PRMT9: variants seen among roughly 807,000 people sequenced by gnomAD.
PRMT9 encodes the protein protein arginine N-methyltransferase 9.
Under a neutral mutation model 83.2 loss-of-function variants are expected in PRMT9, and 59 were observed. The ratio of observed to expected loss-of-function variants is 0.71; its 90% confidence interval spans 0.57 to 0.88. The LOEUF is 0.88. PRMT9 is among the 40% of genes least tolerant of loss of function. The pLI, the probability that PRMT9 is intolerant of heterozygous loss-of-function variation, is 0.00. For missense variants in PRMT9, 947 were observed against 1,021.9 expected (o/e 0.93, Z 1.00); for synonymous variants, 333 against 353.2 (o/e 0.94, Z 0.64).
intron 8 of PRMT9, among the ~76,000 whole-genome samples, chr4:147,656,958 T>C (rs928404686): frequency 1.3e-5 from 2 of 151,584 alleles, no homozygotes; most frequent in Admixed American, 6.6e-5. Flanking sequence ...ATAATTCAAC[T>C]ACTTTAAACT....
In PRMT9 at chr4:147,638,147, C is replaced by G. The variant is rs1477285834; in HGVS notation, c.*385G>C. 1 of 252,594 alleles carries G rather than the reference C, an allele frequency of 4.0e-6. No individual in the cohort carries two copies. Among genetic ancestry groups the G allele is most frequent in the East Asian group, 1.1e-4 (1 of 9,270 alleles). The allele number at this position is 252,594 out of a possible 1,614,324, so 15.6% of individuals were successfully genotyped here. A position where few individuals can be genotyped will look rare whatever the true frequency, so the allele number is the denominator to read the frequency against. On this transcript the variant is annotated 3_prime_UTR_variant, in exon 12 of 12. Transcript: ENST00000322396. Reference sequence around the variant, plus strand: ...ACAGGTAACCATAACCCTCAGTCTTCAGTGGAAGCCTTTCAGTGTTTCCCA... The same window carrying G: ...ACAGGTAACCATAACCCTCAGTCTTGAGTGGAAGCCTTTCAGTGTTTCCCA...
Position 147,672,975 on chromosome 4 carries a change from T to C in PRMT9, c.727A>G (p.Lys243Glu), listed in dbSNP as rs149710769. 23 of 1,613,702 alleles carry C rather than the reference T, an allele frequency of 1.4e-5. No individual in the cohort carries two copies. Among genetic ancestry groups the C allele is most frequent in the Non-Finnish European group, 1.9e-5 (22 of 1,179,774 alleles). Residue 243 changes from lysine to glutamate, a missense_variant, in exon 4 of 12, where the codon AAA (lysine) becomes GAA (glutamate). Lys to Glu is a moderately conservative substitution (Grantham distance 56, BLOSUM62 1). Coordinates refer to ENST00000322396, the MANE Select transcript of PRMT9 (RefSeq NM_138364.4). The part of the protein sequence containing the change: ...HTKSLDIEIP[K>E]HIPERVSLVV... ...TGATAATACCTTTCGGGAATATGTT[T>C]TGGAATCTCTATGTCAAGTGACTTC...
Position 147,657,822 on chromosome 4 carries a change from G to C in PRMT9, c.1300C>G (p.Gln434Glu). ...TSPSEETCWE[Q>E]AVYPVQDLAD... ...AGGTCCTGTACGGGGTAGACAGCCTGTTCCCAACATGTTTCCTCACTAGGA... is the reference window on the plus strand; with the variant it reads ...AGGTCCTGTACGGGGTAGACAGCCTCTTCCCAACATGTTTCCTCACTAGGA... Residue 434 changes from glutamine to glutamate, a missense_variant, in exon 8 of 12, where the codon CAG (glutamine) becomes GAG (glutamate). Physicochemically the swap from Gln to Glu is conservative, Grantham distance 29. Transcript: ENST00000322396. 6.2e-7 allele frequency: 1 copy of C among 1,611,778 alleles called. No individual in the cohort carries two copies. Among genetic ancestry groups the C allele is most frequent in the Non-Finnish European group, 8.5e-7 (1 of 1,179,656 alleles).
chr4:147,679,119 G>A (rs181870920), intron 2 of PRMT9, among the ~76,000 whole-genome samples: 3 of 152,354 alleles, frequency 2.0e-5, no homozygotes, highest in Admixed American at 1.3e-4. Flanking sequence ...GTTGGCACAA[G>A]GGTAAGCTTT....
At chr4:147,642,652 A>G (rs1379952333) in intron 10 of PRMT9, 135 bp downstream of exon 10, 2 of 781,168 alleles carry the variant, frequency 2.6e-6, no homozygotes, top group East Asian at 5.3e-5. Flanking sequence ...TATTATAGGT[A>G]AAAATCTAAG....
intron 5 of PRMT9, among the ~76,000 whole-genome samples, chr4:147,670,213 C>T (rs981028087): frequency 2.0e-5 from 3 of 152,152 alleles, no homozygotes; most frequent in Non-Finnish European, 4.4e-5. Context: ...GAGTTTCGCT[C>T]TTGTTGCCCA....
At chr4:147,665,455 G>A (rs977330716) in intron 6 of PRMT9, among the ~76,000 whole-genome samples, 1 of 152,100 alleles carries the variant, frequency 6.6e-6, no homozygotes, top group Non-Finnish European at 1.5e-5. Flanking sequence ...ATTTATTTTG[G>A]TGATTAAATT....
rs1735840194 is a variant in PRMT9, at chr4:147,673,064, T to C, written c.638A>G (p.Tyr213Cys). ...TGCCACGACATCACAGGCAAGTTCA[T>C]ACATGGTCTTGGATAACTCACAGGC... ...VYACELSKTM[Y>C]ELACDVVAAN... Residue 213 changes from tyrosine (Y) to cysteine (C), a missense_variant, in exon 4 of 12, where the codon TAT (tyrosine) becomes TGT (cysteine). Transcript: ENST00000322396. 1.2e-6 allele frequency: 2 copies of C among 1,613,938 alleles called. No homozygotes were observed. The highest frequency in any genetic ancestry group is 2.2e-5 in the South Asian group (2 of 91,088).
intron 2 of PRMT9, among the ~76,000 whole-genome samples, chr4:147,679,277 A>G (rs765539703): frequency 1.1e-4 from 17 of 151,892 alleles, no homozygotes; most frequent in Non-Finnish European, 1.2e-4. Context: ...TCTACAAACA[A>G]GACAAAAAAT....
rs1168015624 is a variant in PRMT9, at chr4:147,683,735, GT to G, written c.189+63del. ...AGCCCCTCCGCTTTTTTTTTTTTCT[GT>G]TTTTTTTTTTTTTTTTACGAGGACG... On this transcript the variant is annotated intron_variant, in intron 1 of 11. Coordinates refer to ENST00000322396, the MANE Select transcript of PRMT9 (RefSeq NM_138364.4). The G allele has an allele frequency of 6.6e-5, 55 of 839,170 alleles. No individual in the cohort carries two copies. In the African/African-American group the frequency reaches 8.0e-4, roughly 12 times the overall value. The allele number at this position is 839,170 out of a possible 1,614,324, so 52.0% of individuals were successfully genotyped here.
chr4:147,671,759 C>T, intron 4 of PRMT9: 2 of 433,556 alleles, frequency 4.6e-6, no homozygotes, highest in Non-Finnish European at 9.1e-6. Flanking sequence ...GCTCCTGGTT[C>T]AAAACCAATA....
intron 5 of PRMT9, among the ~76,000 whole-genome samples, 162 bp downstream of exon 5, chr4:147,670,479 A>G (rs1364322847): frequency 6.6e-6 from 1 of 152,214 alleles, no homozygotes; most frequent in Non-Finnish European, 1.5e-5. Context: ...GCACCCGGCC[A>G]GTAAAAGTTT....
chr4:147,654,458 A>G lies in PRMT9; in HGVS notation c.1439T>C (p.Val480Ala). Residue 480 changes from valine (V) to alanine (A), a missense_variant, in exon 9 of 12, where the codon GTT becomes GCT. Coordinates refer to ENST00000322396, the MANE Select transcript of PRMT9 (RefSeq NM_138364.4). ...TTTATTCTGGGTAAAACTTTTTGCA[A>G]CATCCATTTCACATTCCAAACCCAA... ...SVLGLECEMD[V>A]AKSFTQNKDL... is the part of the protein sequence containing the mutation. 1.2e-6 allele frequency: 2 copies of G among 1,614,014 alleles called. No individual in the cohort carries two copies. The highest frequency in any genetic ancestry group is 1.7e-6 in the Non-Finnish European group (2 of 1,179,994).
chr4:147,641,199 G>A (rs1375859483), intron 10 of PRMT9, among the ~76,000 whole-genome samples: 2 of 152,108 alleles, frequency 1.3e-5, no homozygotes, highest in Non-Finnish European at 2.9e-5. Flanking sequence ...GTCACATCAT[G>A]TCAAGCCTCT....
At chr4:147,673,340 T>C (rs1040233937) in intron 3 of PRMT9, among the ~76,000 whole-genome samples, 8 of 152,196 alleles carry the variant, frequency 5.3e-5, no homozygotes, top group African/African-American at 1.9e-4. Flanking sequence ...ACAACTGGCA[T>C]TGTATCTTTA....
rs1184210185 is a variant in PRMT9, at chr4:147,675,102, TC to T, written c.339-1229del. On this transcript the variant is annotated intron_variant, in intron 2 of 11. Transcript: ENST00000322396. ...TTCAAGCGATTCTCCTGCCTCAGCC[TC>T]CCAAGTAGCTGGGATTACAGGAATG... Among the ~76,000 whole-genome samples, 11 of 152,130 alleles carry T rather than the reference TC, an allele frequency of 7.2e-5. No individual in the cohort carries two copies. The East Asian group carries it at 2.1e-3, about 30-fold the overall frequency.
intron 4 of PRMT9, among the ~76,000 whole-genome samples, chr4:147,671,307 T>C (rs1471377053): frequency 6.6e-6 from 1 of 152,210 alleles, no homozygotes; most frequent in Middle Eastern, 3.2e-3. Flanking sequence ...ATATGTTGAC[T>C]GTGCCTCTCT....
chr4:147,673,036 T>C lies in PRMT9; in HGVS notation c.666A>G (p.Ala222=), dbSNP rs1435604203. The C allele has an allele frequency of 6.2e-7, 1 of 1,614,032 alleles. No individual in the cohort carries two copies. ...MYELACDVVA[A]NKMEAGIKLL... ...GTTTGATCCCTGCTTCCATCTTGTTTGCTGCCACGACATCACAGGCAAGTT... is the reference window on the plus strand; with the variant it reads ...GTTTGATCCCTGCTTCCATCTTGTTCGCTGCCACGACATCACAGGCAAGTT... Residue 222 remains alanine (A), a synonymous_variant, in exon 4 of 12, where the codon GCA becomes GCG. Coordinates refer to ENST00000322396, the MANE Select transcript of PRMT9 (RefSeq NM_138364.4).
chr4:147,675,075 G>A (rs1735980016), intron 2 of PRMT9, among the ~76,000 whole-genome samples: 1 of 152,070 alleles, frequency 6.6e-6, no homozygotes, highest in Admixed American at 6.6e-5. Context: ...CTGCCTCCCA[G>A]GTTCAAGCGA....
Sources: allele counts gnomAD v4.1 joint callset (sites outside exome capture counted in the v4.1 genomes callset), GRCh38; gene constraint gnomAD v4.1.1; transcripts MANE v1.5; gene names NCBI Gene and HGNC (gene_info 2026-07-23, HGNC 2026-07-21).